Variants in COL23A1 observed in about 807,000 individuals in gnomAD.
COL23A1 encodes the protein collagen alpha-1(XXIII) chain.
A neutral mutation model predicts 99.3 loss-of-function variants in COL23A1; 97 were observed. The ratio of observed to expected loss-of-function variants is 0.98; its 90% confidence interval spans 0.83 to 1.16. COL23A1 has a LOEUF of 1.16. Among genes scored for constraint, COL23A1 ranks in the 50% most tolerant of loss-of-function variants. COL23A1 has a pLI of 0.00. For synonymous variants in COL23A1, 320 were observed against 308.2 expected (o/e 1.04, Z -0.40); for missense variants, 762 against 757.4 (o/e 1.01, Z -0.07).
intron 2 of COL23A1, among the ~76,000 whole-genome samples, chr5:178,503,292 G>T (rs370174280): frequency 1.3e-5 from 2 of 152,160 alleles, no homozygotes; most frequent in African/African-American, 4.8e-5. Flanking sequence ...GGAGGTTAAA[G>T]TGAGCCGAGA....
chr5:178,250,962 G>A (rs1473233027), intron 17 of COL23A1, among the ~76,000 whole-genome samples: 3 of 95,210 alleles, frequency 3.2e-5, no homozygotes, highest in East Asian at 7.2e-4. Flanking sequence ...CTGGGCAAAA[G>A]AGCAAGACTC....
At chr5:178,539,946 G>A (rs1363846866) in intron 2 of COL23A1, among the ~76,000 whole-genome samples, 1 of 152,158 alleles carries the variant, frequency 6.6e-6, no homozygotes, top group Non-Finnish European at 1.5e-5. Flanking sequence ...GAATGCAAGC[G>A]TGGTTACCAT....
At chr5:178,341,555 C>T (rs67711326) in intron 2 of COL23A1, among the ~76,000 whole-genome samples, 16,908 of 152,218 alleles carry the variant, frequency 0.11, 998 homozygotes, top group Middle Eastern at 0.19. Context: ...GGTGGGGAGG[C>T]AGATGTTTTC....
chr5:178,319,765 C>A (rs1320830745), intron 2 of COL23A1, among the ~76,000 whole-genome samples: 2 of 152,224 alleles, frequency 1.3e-5, no homozygotes, highest in African/African-American at 2.4e-5. Flanking sequence ...GGTTGACCGA[C>A]TGTCACGGTT....
intron 2 of COL23A1, among the ~76,000 whole-genome samples, chr5:178,467,397 C>G: frequency 6.6e-6 from 1 of 152,250 alleles, no homozygotes; most frequent in East Asian, 1.9e-4. Flanking sequence ...CCACGCTAAG[C>G]TGGGGGCTGG....
At chr5:178,241,935 TG>T in intron 27 of COL23A1, 106 bp downstream of exon 27, 1 of 786,326 alleles carries the variant, frequency 1.3e-6, no homozygotes, top group Non-Finnish European at 2.1e-6. Flanking sequence ...GCGTGACCAG[TG>T]GGGCCTCTGG....
chr5:178,498,465 TCTTA>T (rs1313503093), intron 2 of COL23A1, among the ~76,000 whole-genome samples: 4 of 151,276 alleles, frequency 2.6e-5, no homozygotes, highest in Non-Finnish European at 5.9e-5. Context: ...GCTTTGTGCA[TCTTA>T]CTATTTATTA....
At chr5:178,408,229 C>T (rs1764862164) in intron 2 of COL23A1, among the ~76,000 whole-genome samples, 2 of 152,190 alleles carry the variant, frequency 1.3e-5, no homozygotes, top group East Asian at 1.9e-4. Flanking sequence ...TGAAAATATC[C>T]TTCAGGAATA....
At chr5:178,328,886 G>C (rs1349142207) in intron 2 of COL23A1, among the ~76,000 whole-genome samples, 1 of 152,200 alleles carries the variant, frequency 6.6e-6, no homozygotes. Context: ...AGGGCAGAGA[G>C]GTCAGGAAAG....
chr5:178,571,754 C>T (rs1763106813), intron 1 of COL23A1, among the ~76,000 whole-genome samples: 1 of 152,164 alleles, frequency 6.6e-6, no homozygotes, highest in Non-Finnish European at 1.5e-5. Flanking sequence ...GAAAGCTCAG[C>T]AGAGACAACA....
intron 1 of COL23A1, among the ~76,000 whole-genome samples, chr5:178,588,190 CA>C (rs1397266074): frequency 6.6e-6 from 1 of 152,172 alleles, no homozygotes; most frequent in African/African-American, 2.4e-5. Flanking sequence ...GTAGTTCACC[CA>C]GGTAAAATTC....
intron 2 of COL23A1, among the ~76,000 whole-genome samples, chr5:178,493,410 G>C (rs1457145045): frequency 6.6e-6 from 1 of 152,234 alleles, no homozygotes; most frequent in Non-Finnish European, 1.5e-5. Flanking sequence ...GTAGGGTCAA[G>C]GGTGCCGCTG....
intron 2 of COL23A1, among the ~76,000 whole-genome samples, chr5:178,398,227 C>G (rs933892834): frequency 3.3e-5 from 5 of 152,220 alleles, no homozygotes; most frequent in African/African-American, 1.2e-4. Context: ...GAATAACTCC[C>G]TTTATCAACA....
At chr5:178,382,639 T>C (rs1763445338) in intron 2 of COL23A1, among the ~76,000 whole-genome samples, 2 of 152,170 alleles carry the variant, frequency 1.3e-5, no homozygotes, top group Non-Finnish European at 2.9e-5. Context: ...CCGCAAAGTC[T>C]CATTATGTTC....
At chr5:178,520,422 T>C (rs751090811) in intron 2 of COL23A1, among the ~76,000 whole-genome samples, 22 of 152,162 alleles carry the variant, frequency 1.4e-4, no homozygotes, top group Non-Finnish European at 2.5e-4. Flanking sequence ...GAAGAACTGA[T>C]ACGGAAGCTA....
chr5:178,573,682 G>A (rs1333741261), intron 1 of COL23A1, among the ~76,000 whole-genome samples: 2 of 151,938 alleles, frequency 1.3e-5, no homozygotes, highest in South Asian at 2.1e-4. Context: ...ACCCAATACT[G>A]GAAACAACTC....
intron 2 of COL23A1, among the ~76,000 whole-genome samples, chr5:178,359,719 G>C (rs1003166099): frequency 1.3e-5 from 2 of 152,264 alleles, no homozygotes; most frequent in Non-Finnish European, 2.9e-5. Context: ...TAAAGTCGCA[G>C]AGCTCAGATC....
chr5:178,465,917 C>T (rs1012807316), intron 2 of COL23A1, among the ~76,000 whole-genome samples: 1 of 152,132 alleles, frequency 6.6e-6, no homozygotes, highest in Non-Finnish European at 1.5e-5. Flanking sequence ...CTCCGGATGG[C>T]GAGTCTAACT....
At chr5:178,382,527 C>T (rs1042828960) in intron 2 of COL23A1, among the ~76,000 whole-genome samples, 3 of 152,000 alleles carry the variant, frequency 2.0e-5, no homozygotes, top group East Asian at 1.9e-4. Context: ...TGAGGGTAGG[C>T]GACGGGGAAG....
Sources: allele counts gnomAD v4.1 joint callset (sites outside exome capture counted in the v4.1 genomes callset), GRCh38; gene constraint gnomAD v4.1.1; transcripts MANE v1.5; gene names NCBI Gene and HGNC (gene_info 2026-07-23, HGNC 2026-07-21).